CSMD1: variants seen among roughly 807,000 people sequenced by gnomAD.
The protein encoded by CSMD1 is CUB and sushi domain-containing protein 1.
CSMD1 carries 213 observed loss-of-function variants against 417.5 expected under a neutral mutation model. The ratio of observed to expected loss-of-function variants is 0.51; its 90% confidence interval spans 0.46 to 0.57. The LOEUF (loss-of-function observed/expected upper bound fraction) is 0.57, where lower values mean the gene tolerates loss of function less well. Among genes scored for constraint, CSMD1 ranks in the 20% least tolerant of loss-of-function variants. The probability of loss-of-function intolerance (pLI) is 0.00; values close to 1 mark genes in which losing one functional copy is unlikely to be tolerated. For missense variants in CSMD1, 6,923 were observed against 4,529.7 expected (o/e 1.53, Z -15.17); for synonymous variants, 2,862 against 1,736.8 (o/e 1.65, Z -16.11).
intron 3 of CSMD1, among the ~76,000 whole-genome samples, chr8:4,117,843 C>G (rs1394828620): frequency 6.7e-6 from 1 of 149,690 alleles, no homozygotes; most frequent in African/African-American, 2.5e-5. Context: ...ACTTTCCAAA[C>G]AAAAGACAGA....
chr8:3,558,991 A>G (rs1799348895), intron 10 of CSMD1, among the ~76,000 whole-genome samples: 1 of 152,160 alleles, frequency 6.6e-6, no homozygotes, highest in African/African-American at 2.4e-5. Context: ...AATGACTAGA[A>G]GTGGGACTGC....
chr8:3,235,770 C>G (rs780317182), intron 26 of CSMD1, among the ~76,000 whole-genome samples: 1 of 151,826 alleles, frequency 6.6e-6, no homozygotes, highest in Admixed American at 6.6e-5. Flanking sequence ...AGTTCTCAAC[C>G]CAATTTTTAT....
intron 3 of CSMD1, among the ~76,000 whole-genome samples, chr8:4,286,923 G>T (rs969592876): frequency 9.2e-5 from 14 of 152,144 alleles, no homozygotes; most frequent in African/African-American, 3.4e-4. Flanking sequence ...AATCAGTTTT[G>T]TTATTGGATA....
At chr8:4,591,452 A>C (rs1277922149) in intron 2 of CSMD1, among the ~76,000 whole-genome samples, 1 of 152,228 alleles carries the variant, frequency 6.6e-6, no homozygotes, top group Non-Finnish European at 1.5e-5. Flanking sequence ...GCTGTTGAGC[A>C]AAAGCAAATG....
intron 3 of CSMD1, among the ~76,000 whole-genome samples, chr8:4,036,146 G>T (rs1011480652): frequency 1.8e-4 from 28 of 152,134 alleles, no homozygotes; most frequent in Admixed American, 1.8e-3. Flanking sequence ...TGCGTAGTAG[G>T]CCGCAAAACT....
intron 5 of CSMD1, among the ~76,000 whole-genome samples, chr8:3,821,170 G>C (rs182404639): frequency 6.6e-6 from 1 of 151,946 alleles, no homozygotes; most frequent in South Asian, 2.1e-4. Flanking sequence ...CACCCGCCTC[G>C]GCCTCCCAAA....
intron 1 of CSMD1, among the ~76,000 whole-genome samples, chr8:4,919,788 T>C (rs1354534559): frequency 6.6e-6 from 1 of 152,170 alleles, no homozygotes; most frequent in Non-Finnish European, 1.5e-5. Context: ...GTGATTACAG[T>C]AGGTCCCCCC....
At chr8:4,165,959 A>G (rs1797433603) in intron 3 of CSMD1, among the ~76,000 whole-genome samples, 1 of 152,342 alleles carries the variant, frequency 6.6e-6, no homozygotes, top group East Asian at 1.9e-4. Context: ...TCAAGGTGTC[A>G]CTGTAAGTAA....
In CSMD1 at chr8:3,583,972, G is replaced by A. The variant is rs566672811; in HGVS notation, c.1222+2164C>T. Among the ~76,000 whole-genome samples the A allele has an allele frequency of 2.0e-5, 3 of 151,964 alleles. No individual in the cohort carries two copies. The South Asian group carries it at 6.2e-4, about 32-fold the overall frequency. On this transcript the variant is annotated intron_variant, in intron 9 of 69. Coordinates refer to ENST00000635120, the MANE Select transcript of CSMD1 (RefSeq NM_033225.6). The stretch of plus-strand genomic sequence containing the variant: ...ACGATTATCTCAAAAATATGTGAGA[G>A]CATGGCCTTTGTCTAACTGAGTCAA...
chr8:4,385,115 C>T (rs892460273), intron 3 of CSMD1, among the ~76,000 whole-genome samples: 2 of 152,078 alleles, frequency 1.3e-5, no homozygotes, highest in Non-Finnish European at 2.9e-5. Flanking sequence ...TTAGAAGAGA[C>T]GGTGTTTCAC....
rs188947724 is a variant in CSMD1 at position 4,738,526 on chromosome 8, C to T, written c.86-100968G>A. ...CACCTCCATGATTCAATGACATCCA[C>T]CTGGCCACTCCCATAACAGGGGAAC... On this transcript the variant is annotated intron_variant, in intron 1 of 69. Transcript: ENST00000635120. Among the ~76,000 whole-genome samples, 419 of 152,190 alleles carry T rather than the reference C, an allele frequency of 2.8e-3. 3 individuals are homozygous for T. The highest frequency in any genetic ancestry group is 9.7e-3 in the African/African-American group (402 of 41,514).
At chr8:4,916,989 C>G (rs887012740) in intron 1 of CSMD1, among the ~76,000 whole-genome samples, 9 of 152,158 alleles carry the variant, frequency 5.9e-5, no homozygotes, top group African/African-American at 2.2e-4. Context: ...GGTGTATTAG[C>G]TCATTCTTAC....
At chr8:3,330,595 G>T (rs1806828989) in intron 23 of CSMD1, among the ~76,000 whole-genome samples, 1 of 152,154 alleles carries the variant, frequency 6.6e-6, no homozygotes, top group African/African-American at 2.4e-5. Flanking sequence ...GGGCCTATTG[G>T]AGGGTGGAGG....
intron 10 of CSMD1, among the ~76,000 whole-genome samples, chr8:3,522,350 T>G (rs1052289299): frequency 6.6e-6 from 1 of 152,194 alleles, no homozygotes; most frequent in Non-Finnish European, 1.5e-5. Context: ...GACTTAACAT[T>G]TAAAGGAATG....
At chr8:4,917,410 A>G (rs1422418144) in intron 1 of CSMD1, among the ~76,000 whole-genome samples, 11 of 152,190 alleles carry the variant, frequency 7.2e-5, no homozygotes, top group East Asian at 1.9e-4. Flanking sequence ...CAAGGTGGGC[A>G]GACTACAAGG....
intron 3 of CSMD1, among the ~76,000 whole-genome samples, chr8:4,099,321 T>C (rs1801184289): frequency 6.6e-6 from 1 of 152,130 alleles, no homozygotes; most frequent in South Asian, 2.1e-4. Flanking sequence ...GAAGGAGCTA[T>C]ACTCACTTTC....
At chr8:4,429,207 G>C (rs1797732843) in intron 2 of CSMD1, among the ~76,000 whole-genome samples, 2 of 151,636 alleles carry the variant, frequency 1.3e-5, no homozygotes, top group South Asian at 2.1e-4. Context: ...GATCATGCCT[G>C]CCTTACACGA....
chr8:3,864,984 C>A (rs1804981873), intron 5 of CSMD1, among the ~76,000 whole-genome samples: 1 of 152,178 alleles, frequency 6.6e-6, no homozygotes, highest in South Asian at 2.1e-4. Context: ...AGCATGACAT[C>A]ATCTGCTTTA....
At chr8:4,280,689 G>A (rs1796732946) in intron 3 of CSMD1, among the ~76,000 whole-genome samples, 1 of 152,160 alleles carries the variant, frequency 6.6e-6, no homozygotes, top group Non-Finnish European at 1.5e-5. Flanking sequence ...TTGTCTAGAT[G>A]AGCACAGCTC....
Sources: gnomAD v4.1 joint callset for allele counts (sites outside exome capture counted in the v4.1 genomes callset) on GRCh38, gnomAD v4.1.1 for gene constraint, MANE v1.5 for transcripts, NCBI Gene and HGNC (gene_info 2026-07-23, HGNC 2026-07-21) for gene names.